KCNIP1: variants seen among roughly 807,000 people sequenced by gnomAD.
KCNIP1 encodes the protein A-type potassium channel modulatory protein KCNIP1.
In KCNIP1, 18 loss-of-function variants were observed where a neutral mutation model predicts 33.0. That is an observed-to-expected ratio of 0.55 (90% CI 0.38 to 0.81). The LOEUF (loss-of-function observed/expected upper bound fraction) is 0.81. KCNIP1 is among the 30% of genes least tolerant of loss of function. The pLI, the probability that KCNIP1 is intolerant of heterozygous loss-of-function variation, is 0.00. For missense variants in KCNIP1, 238 were observed against 271.6 expected, an observed-to-expected ratio of 0.88 and a Z score of 0.87; for synonymous variants, 93 against 98.3, an observed-to-expected ratio of 0.95 and a Z score of 0.32.
intron 1 of KCNIP1, among the ~76,000 whole-genome samples, chr5:170,631,060 G>A (rs566048980): frequency 1.6e-4 from 24 of 152,268 alleles, no homozygotes; most frequent in Admixed American, 7.2e-4. Flanking sequence ...TTGGTCAGGT[G>A]ACTCCAACCA....
chr5:170,678,864 G>A (rs1762234082), intron 1 of KCNIP1: 3 of 152,266 alleles, frequency 2.0e-5, no homozygotes, highest in Non-Finnish European at 2.9e-5. Context: ...AGAGGGGAAG[G>A]AGTAAGTAGA....
chr5:170,437,678 G>A (rs1382908768), intron 1 of KCNIP1, among the ~76,000 whole-genome samples: 2 of 152,124 alleles, frequency 1.3e-5, no homozygotes, highest in African/African-American at 4.8e-5. Flanking sequence ...CCTTCAAAGC[G>A]GGACTCTGCC....
intron 1 of KCNIP1, among the ~76,000 whole-genome samples, chr5:170,656,350 C>T (rs1761262480): frequency 6.6e-6 from 1 of 152,182 alleles, no homozygotes; most frequent in Non-Finnish European, 1.5e-5. Flanking sequence ...TTTATGAAGG[C>T]TGTTTATAGA....
intron 1 of KCNIP1, among the ~76,000 whole-genome samples, chr5:170,448,158 A>T (rs1374519316): frequency 1.3e-5 from 2 of 152,196 alleles, no homozygotes. Context: ...AGTAGTTAGT[A>T]TAGTTGCCCA....
At chr5:170,632,952 G>C (rs1029564298) in intron 1 of KCNIP1, among the ~76,000 whole-genome samples, 2 of 151,292 alleles carry the variant, frequency 1.3e-5, no homozygotes, top group Non-Finnish European at 3.0e-5. Context: ...GTGGGTTGGG[G>C]CTTGAGCACG....
intron 1 of KCNIP1, among the ~76,000 whole-genome samples, chr5:170,517,665 G>GT (rs1755184383): frequency 7.9e-6 from 1 of 126,470 alleles, no homozygotes; most frequent in African/African-American, 2.8e-5. Context: ...TGGTATGGTG[G>GT]TGGTGGTGAT....
chr5:170,649,790 G>A (rs1469074782), intron 1 of KCNIP1, among the ~76,000 whole-genome samples: 1 of 152,178 alleles, frequency 6.6e-6, no homozygotes, highest in African/African-American at 2.4e-5. Context: ...ATGCAGCAGA[G>A]AAATAGGAAG....
intron 1 of KCNIP1, among the ~76,000 whole-genome samples, chr5:170,539,480 G>A (rs1242953927): frequency 6.6e-6 from 1 of 152,030 alleles, no homozygotes; most frequent in African/African-American, 2.4e-5. Context: ...TGCAATTTTT[G>A]GGCATCCGGA....
chr5:170,597,482 A>C (rs1347990578), intron 1 of KCNIP1, among the ~76,000 whole-genome samples: 1 of 151,974 alleles, frequency 6.6e-6, no homozygotes, highest in African/African-American at 2.4e-5. Context: ...CCACCCCCGC[A>C]CACACATACC....
At chr5:170,599,801 G>A (rs1758622388) in intron 1 of KCNIP1, among the ~76,000 whole-genome samples, 1 of 152,234 alleles carries the variant, frequency 6.6e-6, no homozygotes, top group Non-Finnish European at 1.5e-5. Context: ...GTTGACTTAT[G>A]GGAGGTATTT....
At chr5:170,495,344 AG>A (rs777057781) in intron 1 of KCNIP1, among the ~76,000 whole-genome samples, 3 of 152,200 alleles carry the variant, frequency 2.0e-5, no homozygotes, top group Non-Finnish European at 4.4e-5. Context: ...TGTTGGGTGC[AG>A]GGGAAGATTC....
At chr5:170,512,758 ACAGAGTCCCGGC>A (rs1411116105) in intron 1 of KCNIP1, among the ~76,000 whole-genome samples, 1 of 152,158 alleles carries the variant, frequency 6.6e-6, no homozygotes, top group Non-Finnish European at 1.5e-5. Flanking sequence ...TGTTAGAAAT[ACAGAGTCCCGGC>A]CAGGCGCGGT....
At chr5:170,570,928 A>T (rs1280970688) in intron 1 of KCNIP1, among the ~76,000 whole-genome samples, 7 of 152,238 alleles carry the variant, frequency 4.6e-5, no homozygotes, top group Non-Finnish European at 8.8e-5. Context: ...TCCTGGAGGT[A>T]TGTGTCATTA....
intron 1 of KCNIP1, among the ~76,000 whole-genome samples, chr5:170,624,069 C>G (rs1759717857): frequency 6.6e-6 from 1 of 152,250 alleles, no homozygotes; most frequent in East Asian, 1.9e-4. Flanking sequence ...CTGGTCCTCT[C>G]AGCTCCCGGG....
chr5:170,655,129 T>G lies in KCNIP1; in HGVS notation c.62-63629T>G, dbSNP rs768664255. Among the ~76,000 whole-genome samples the G allele has an allele frequency of 6.4e-4, 97 of 152,202 alleles. 2 individuals are homozygous for G. Among genetic ancestry groups the G allele is most frequent in the Non-Finnish European group, 2.5e-4 (17 of 68,032 alleles). On this transcript the variant is annotated intron_variant, in intron 1 of 7. Coordinates refer to ENST00000328939, the MANE Select transcript of KCNIP1 (RefSeq NM_014592.4). ...ACTCAAAATTACCTTCAAAATATCT[T>G]AAGTCATTCTTAAAATACATGTAAA...
intron 1 of KCNIP1, chr5:170,422,434 G>A (rs566571410): frequency 6.6e-6 from 1 of 152,242 alleles, no homozygotes; most frequent in African/African-American, 2.4e-5. Flanking sequence ...GGACTTCAGT[G>A]ACTGGCTCAG....
chr5:170,666,072 C>T (rs1173166208), intron 1 of KCNIP1, among the ~76,000 whole-genome samples: 11 of 152,200 alleles, frequency 7.2e-5, no homozygotes, highest in Admixed American at 7.2e-4. Context: ...CTGTGTGCAA[C>T]TCACACTGAA....
At chr5:170,647,831 G>A (rs2113713985) in intron 1 of KCNIP1, among the ~76,000 whole-genome samples, 1 of 152,124 alleles carries the variant, frequency 6.6e-6, no homozygotes, top group East Asian at 1.9e-4. Context: ...TTAAGAGAAT[G>A]AGAAAATAAG....
intron 1 of KCNIP1, among the ~76,000 whole-genome samples, chr5:170,525,050 GA>G (rs1755518125): frequency 6.6e-6 from 1 of 152,228 alleles, no homozygotes; most frequent in Non-Finnish European, 1.5e-5. Flanking sequence ...CAAGGCCGGG[GA>G]AACTTTGCCT....
Sources: allele counts gnomAD v4.1 joint callset (sites outside exome capture counted in the v4.1 genomes callset), GRCh38; gene constraint gnomAD v4.1.1; transcripts MANE v1.5; gene names NCBI Gene and HGNC (gene_info 2026-07-23, HGNC 2026-07-21).